PMS2: variants seen among roughly 807,000 people sequenced by gnomAD.
PMS2 encodes PMS1 homolog 2, mismatch repair system component, also known as mismatch repair endonuclease PMS2.
In PMS2, 69 loss-of-function variants were observed where a neutral mutation model predicts 90.0. The ratio of observed to expected loss-of-function variants is 0.77; its 90% CI spans 0.63 to 0.94. PMS2 has a LOEUF of 0.94. Ranked by LOEUF, PMS2 falls within the 40% of genes least tolerant of loss-of-function variation. The probability of loss-of-function intolerance (pLI) is 0.00; values close to 1 mark genes in which losing one functional copy is unlikely to be tolerated. For missense variants in PMS2, 966 were observed against 1,040.2 expected (o/e 0.93, Z 0.98); for synonymous variants, 332 against 375.1 (o/e 0.89, Z 1.33).
At chr7:5,990,010 TATTA>T (rs1401132455) in intron 9 of PMS2, 55 bp from the exon 10 acceptor site, 3 of 1,175,858 alleles carry the variant, frequency 2.6e-6, no homozygotes, top group East Asian at 5.3e-5. Context: ...TTATTTTATT[TATTA>T]ATTATTATTT....
intron 12 of PMS2, among the ~76,000 whole-genome samples, chr7:5,981,359 C>T (rs552534323): frequency 5.3e-5 from 8 of 150,160 alleles, no homozygotes; most frequent in African/African-American, 7.3e-5. Context: ...ATCCTCCCAC[C>T]TCAGCCTCCC....
At chr7:5,981,640 G>A (rs1782292588) in intron 12 of PMS2, among the ~76,000 whole-genome samples, 1 of 151,086 alleles carries the variant, frequency 6.6e-6, no homozygotes, top group South Asian at 2.1e-4. Context: ...CATACACTAT[G>A]CATACTAATA....
At position 5,973,145 on chromosome 7, in the gene PMS2, A is replaced by C; in HGVS notation, c.*254T>G. 2.6e-6 allele frequency: 1 copy of C among 389,570 alleles called. No individual in the cohort carries two copies. Among genetic ancestry groups the C allele is most frequent in the South Asian group, 2.2e-5 (1 of 46,046 alleles). 24.1% of individuals were successfully genotyped at this position (389,570 alleles called of 1,614,324 possible). ...GGCATGAGCCACCATGCCCAGCCCA[A>C]GTGTTCTTATTTTTATAAAATGTGT... On this transcript the variant is annotated 3_prime_UTR_variant, in exon 15 of 15. Transcript: ENST00000265849.
chr7:6,006,273 A>T (rs1449532490), intron 1 of PMS2, among the ~76,000 whole-genome samples: 10 of 152,220 alleles, frequency 6.6e-5, no homozygotes, highest in Admixed American at 6.5e-5. Flanking sequence ...CTATCTAATT[A>T]TACTAAGATC....
chr7:5,994,708 G>A (rs903466120), intron 8 of PMS2, among the ~76,000 whole-genome samples: 49 of 151,706 alleles, frequency 3.2e-4, no homozygotes, highest in Admixed American at 2.1e-3. Flanking sequence ...CCTGGGAGGC[G>A]GAGCTTGCAG....
At position 6,005,144 on chromosome 7, in the gene PMS2, ATCAGCCCCCC is replaced by A. The variant is rs1243385033; in HGVS notation, c.163+738_163+747del. On this transcript the variant is annotated intron_variant, in intron 2 of 14. Coordinates refer to ENST00000265849, the MANE Select transcript of PMS2 (RefSeq NM_000535.7). Reference sequence around the variant, plus strand: ...GGTCTAGAACTCCTGACCTCAAATGATCAGCCCCCCTCAGCCTCCCAAAGTGCTGGTATTA... The same window carrying A: ...GGTCTAGAACTCCTGACCTCAAATGATCAGCCTCCCAAAGTGCTGGTATTA... Among the ~76,000 whole-genome samples, 4 of 151,294 alleles carry A rather than the reference ATCAGCCCCCC, an allele frequency of 2.6e-5. No homozygotes were observed. In the South Asian group the frequency reaches 8.4e-4, roughly 32 times the overall value.
At chr7:5,978,824 C>G in intron 12 of PMS2, 128 bp from the exon 13 acceptor site, 2 of 1,179,562 alleles carry the variant, frequency 1.7e-6, no homozygotes, top group Non-Finnish European at 2.4e-6. Context: ...AATAACAACA[C>G]TACTCAGCTA....
At position 5,989,955 on chromosome 7, in the gene PMS2, T is replaced by A; in HGVS notation, c.989A>T (p.Glu330Val). Residue 330 changes from glutamate (E) to valine (V), a missense_variant and splice_region_variant, in exon 10 of 15, where the codon GAA (glutamate) becomes GTA (valine). By Grantham distance (121) the Glu-to-Val change is moderately radical (BLOSUM62 -2). Coordinates refer to ENST00000265849, the MANE Select transcript of PMS2 (RefSeq NM_000535.7). ...FVVLNISVDS[E>V]CVDINVTPDK... ...TGGAGTAACATTGATATCAACGCAT[T>A]CTAAGGCAAAAAAGAAAACATATTT... is the stretch of plus-strand genomic sequence containing the variant. 6.3e-7 allele frequency: 1 copy of A among 1,582,406 alleles called. No homozygotes were observed. The highest frequency in any genetic ancestry group is 1.1e-5 in the South Asian group (1 of 87,948).
intron 6 of PMS2, among the ~76,000 whole-genome samples, chr7:5,998,371 C>T (rs759778506): frequency 2.7e-5 from 4 of 148,506 alleles, no homozygotes; most frequent in East Asian, 2.1e-4. Context: ...TGAGCCACTG[C>T]GCCGGGCCTT....
chr7:5,977,912 G>C (rs1781878294), intron 13 of PMS2, among the ~76,000 whole-genome samples, 155 bp from the exon 14 acceptor site: 1 of 150,744 alleles, frequency 6.6e-6, no homozygotes, highest in African/African-American at 2.4e-5. Flanking sequence ...GAGGTCAGGA[G>C]ATACAGACCA....
chr7:5,983,094 A>C, intron 11 of PMS2, 103 bp from the exon 12 acceptor site: 1 of 1,510,434 alleles, frequency 6.6e-7, no homozygotes, highest in South Asian at 1.2e-5. Flanking sequence ...TACAAAAACA[A>C]AATAAAGTCC....
rs1057521802 is a variant in PMS2 at position 6,003,979 on chromosome 7, T to C, written c.243A>G (p.Glu81=). 8.8e-6 allele frequency: 14 copies of C among 1,591,328 alleles called. No individual in the cohort carries two copies. Among genetic ancestry groups the C allele is most frequent in the African/African-American group, 1.3e-5 (1 of 74,436 alleles). Reference sequence around the variant, plus strand: ...TAGAAAAAGTCAACTTACTTAAGCCTTCGAAGTTTTCTTCTTCTACCCCAC... The same window carrying C: ...TAGAAAAAGTCAACTTACTTAAGCCCTCGAAGTTTTCTTCTTCTACCCCAC... ...NGCGVEEENF[E]GLTLKHHTSK... The change falls in exon 3 of 15, where the codon GAA becomes GAG. Residue 81 remains glutamate (E), a synonymous_variant. Transcript: ENST00000265849.
At chr7:5,986,207 C>T (rs1782842006) in intron 11 of PMS2, among the ~76,000 whole-genome samples, 1 of 146,162 alleles carries the variant, frequency 6.8e-6, no homozygotes, top group Non-Finnish European at 1.5e-5. Flanking sequence ...TGGCCAGGCG[C>T]AGATGCCGGA....
intron 9 of PMS2, 37 bp downstream of exon 9, chr7:5,991,936 T>C (rs1314230477): frequency 1.1e-6 from 1 of 911,808 alleles, no homozygotes; most frequent in Non-Finnish European, 1.9e-6. Flanking sequence ...TTTGAGGCAT[T>C]AGTCACTAGT....
chr7:5,992,093 A>C (rs1384378548), intron 8 of PMS2, 36 bp from the exon 9 acceptor site: 2 of 1,118,490 alleles, frequency 1.8e-6, no homozygotes, highest in East Asian at 2.4e-5. Context: ...AGAATAAATG[A>C]CAAATGTTCC....
chr7:5,994,820 C>G (rs559014712), intron 8 of PMS2, among the ~76,000 whole-genome samples: 16 of 151,774 alleles, frequency 1.1e-4, no homozygotes, highest in East Asian at 1.9e-4. Context: ...GTCAAAAATG[C>G]CTTTGTGATA....
intron 6 of PMS2, 110 bp downstream of exon 6, chr7:5,998,998 A>G: frequency 1.6e-6 from 2 of 1,240,412 alleles, no homozygotes; most frequent in South Asian, 2.5e-5. Flanking sequence ...TCAAAAAAAA[A>G]AAAAAAATCA....
At chr7:5,989,738 A>AAAAT in intron 10 of PMS2, 62 bp downstream of exon 10, 1 of 1,325,346 alleles carries the variant, frequency 7.5e-7, no homozygotes, top group Non-Finnish European at 1.1e-6. Flanking sequence ...TTACTTGGAA[A>AAAAT]AAATAAGGAA....
At chr7:6,006,148 TTATTA>T in intron 1 of PMS2, 117 bp from the exon 2 acceptor site, 1 of 1,134,666 alleles carries the variant, frequency 8.8e-7, no homozygotes, top group Non-Finnish European at 1.3e-6. Context: ...ATCTATTCAT[TTATTA>T]TATTAGCAAA....
Sources: allele counts gnomAD v4.1 joint callset (sites outside exome capture counted in the v4.1 genomes callset), GRCh38; gene constraint gnomAD v4.1.1; transcripts MANE v1.5; gene names NCBI Gene and HGNC (gene_info 2026-07-23, HGNC 2026-07-21).